Variants in DOCK3 observed in about 807,000 individuals in gnomAD.
The protein encoded by DOCK3 is dedicator of cytokinesis 3, also known as dedicator of cytokinesis protein 3.
DOCK3 carries 60 observed loss-of-function variants against 265.6 expected under a neutral mutation model. The ratio of observed to expected loss-of-function variants is 0.23; its 90% CI spans 0.18 to 0.28. The LOEUF is 0.28. Ranked by LOEUF, DOCK3 falls within the 10% of genes least tolerant of loss-of-function variation. The pLI is 1.00. For missense variants in DOCK3, 1,981 were observed against 2,594.3 expected (o/e 0.76, Z 5.14); for synonymous variants, 881 against 938.0 (o/e 0.94, Z 1.11).
At chr3:51,194,124 A>ATT (rs199754699) in intron 12 of DOCK3, among the ~76,000 whole-genome samples, 2 of 150,564 alleles carry the variant, frequency 1.3e-5, no homozygotes, top group Non-Finnish European at 3.0e-5. Flanking sequence ...TTATTTTGAG[A>ATT]TTTTTTTTTA....
At chr3:51,209,093 G>T (rs957658219) in intron 13 of DOCK3, among the ~76,000 whole-genome samples, 4 of 152,144 alleles carry the variant, frequency 2.6e-5, no homozygotes, top group Admixed American at 1.3e-4. Context: ...GTGTTGATAG[G>T]TAACTCGAGT....
intron 2 of DOCK3, among the ~76,000 whole-genome samples, chr3:50,786,394 C>T (rs371752505): frequency 1.3e-5 from 2 of 152,114 alleles, no homozygotes; most frequent in Admixed American, 6.5e-5. Flanking sequence ...AGCTCAAGGT[C>T]GTCTTCTTGT....
intron 12 of DOCK3, among the ~76,000 whole-genome samples, chr3:51,205,941 G>T (rs895645382): frequency 6.6e-6 from 1 of 152,174 alleles, no homozygotes; most frequent in South Asian, 2.1e-4. Context: ...CATGACATTT[G>T]ATTTCAAACA....
rs1220776081 is a variant in DOCK3, at chr3:51,221,660, G to A, written c.1253-3989G>A. On this transcript the variant is annotated intron_variant, in intron 14 of 52. Coordinates refer to ENST00000266037, the MANE Select transcript of DOCK3 (RefSeq NM_004947.5). ...CCTCTTATAAAAAAAAACTCAAATC[G>A]TTCCACTTCATTCAAGAAATTCTGT... Among the ~76,000 whole-genome samples the A allele has an allele frequency of 3.3e-5, 5 of 152,062 alleles. 1 individual carries two copies. The highest frequency in any genetic ancestry group is 1.2e-4 in the African/African-American group (5 of 41,390).
At chr3:50,805,633 C>G (rs2043364049) in intron 2 of DOCK3, among the ~76,000 whole-genome samples, 1 of 152,170 alleles carries the variant, frequency 6.6e-6, no homozygotes, top group African/African-American at 2.4e-5. Flanking sequence ...CTTGACTGAC[C>G]TGTGGGCTTG....
At chr3:50,862,460 A>G (rs2046962785) in intron 3 of DOCK3, among the ~76,000 whole-genome samples, 1 of 152,156 alleles carries the variant, frequency 6.6e-6, no homozygotes, top group Admixed American at 6.6e-5. Flanking sequence ...GGTAAGTGGA[A>G]GCACCTGCCT....
chr3:51,104,895 C>T (rs1035063424), intron 9 of DOCK3, among the ~76,000 whole-genome samples: 3 of 152,116 alleles, frequency 2.0e-5, no homozygotes, highest in Non-Finnish European at 4.4e-5. Context: ...CTCAAGTAAT[C>T]CTCCAACCCC....
At chr3:50,768,593 G>A (rs2041063031) in intron 1 of DOCK3, among the ~76,000 whole-genome samples, 2 of 152,162 alleles carry the variant, frequency 1.3e-5, no homozygotes, top group Non-Finnish European at 2.9e-5. Context: ...CTCAATAGAT[G>A]CAGAAAAGAC....
chr3:51,315,211 A>C, intron 32 of DOCK3, 83 bp downstream of exon 32: 1 of 1,446,598 alleles, frequency 6.9e-7, no homozygotes, highest in Non-Finnish European at 9.2e-7. Context: ...CCAAGCCATG[A>C]TTCTAGTGGG....
At chr3:51,041,073 T>G (rs976344920) in intron 5 of DOCK3, among the ~76,000 whole-genome samples, 4 of 148,826 alleles carry the variant, frequency 2.7e-5, no homozygotes, top group African/African-American at 7.4e-5. Flanking sequence ...GCCTCTAGAA[T>G]AGTGAATCCT....
chr3:51,088,568 T>A (rs1047180199), intron 7 of DOCK3, among the ~76,000 whole-genome samples: 9 of 152,204 alleles, frequency 5.9e-5, no homozygotes, highest in African/African-American at 1.7e-4. Flanking sequence ...TAAACATTTT[T>A]AAAAAATTGA....
At chr3:50,961,919 G>A (rs982708304) in intron 5 of DOCK3, among the ~76,000 whole-genome samples, 2 of 152,046 alleles carry the variant, frequency 1.3e-5, no homozygotes, top group African/African-American at 4.8e-5. Flanking sequence ...TTCTTATGGG[G>A]AAAAATTCAT....
Position 51,152,844 on chromosome 3 carries a change from A to G in DOCK3, c.828+6214A>G, listed in dbSNP as rs572963150. 1.3e-4 allele frequency among the ~76,000 whole-genome samples: 20 copies of G among 152,206 alleles called. 1 individual carries two copies. In the East Asian group the frequency reaches 3.3e-3, roughly 25 times the overall value. On this transcript the variant is annotated intron_variant, in intron 10 of 52. Transcript: ENST00000266037. ...CAGCGGAGGCTGCAAAACAGCAAAT[A>G]TTGCTGCCTGATCCTTCCTCTGGAG...
chr3:51,247,569 C>T lies in DOCK3; in HGVS notation c.2184+762C>T, dbSNP rs577332864. On this transcript the variant is annotated intron_variant, in intron 22 of 52. Transcript: ENST00000266037. ...GGACCTGTGTTTTTGTCCTTTTCCA[C>T]ATGTTTAACAGGTAACAGAATGTTT... is the stretch of plus-strand genomic sequence containing the variant. 2.6e-4 allele frequency among the ~76,000 whole-genome samples: 39 copies of T among 152,336 alleles called. 1 individual carries two copies. The South Asian group carries it at 4.1e-3, about 16-fold the overall frequency.
intron 9 of DOCK3, among the ~76,000 whole-genome samples, chr3:51,137,447 T>A (rs1443147605): frequency 6.6e-6 from 1 of 152,192 alleles, no homozygotes; most frequent in Non-Finnish European, 1.5e-5. Context: ...AAACAGAGTC[T>A]TTAGGATGTA....
chr3:50,719,654 A>G, intron 1 of DOCK3: 20 of 1,570,628 alleles, frequency 1.3e-5, no homozygotes, highest in Non-Finnish European at 5.2e-6. Flanking sequence ...ACTGGGAACC[A>G]TTTGTGTTGG....
In DOCK3 at chr3:51,356,115, A is replaced by G; in HGVS notation, c.4276A>G (p.Ile1426Val). Reference sequence around the variant, plus strand: ...CTTGCAGATCTATGCAGTGACGCCCATTCCAGATTATGTGGATGTTCTGCA... The same window carrying G: ...CTTGCAGATCTATGCAGTGACGCCCGTTCCAGATTATGTGGATGTTCTGCA... Reference protein sequence around the residue: ...QYLQIYAVTPIPDYVDVLQMD... With the variant: ...QYLQIYAVTPVPDYVDVLQMD... The change falls in exon 42 of 53, where the codon ATT becomes GTT. Residue 1426 changes from isoleucine (I) to valine (V), a missense_variant. By Grantham distance (29) the Ile-to-Val change is conservative (BLOSUM62 3). Coordinates refer to ENST00000266037, the MANE Select transcript of DOCK3 (RefSeq NM_004947.5). 6.2e-7 allele frequency: 1 copy of G among 1,613,978 alleles called. No homozygotes were observed. Among genetic ancestry groups the G allele is most frequent in the Non-Finnish European group, 8.5e-7 (1 of 1,179,872 alleles).
At chr3:50,965,208 T>C (rs2108420155) in intron 5 of DOCK3, among the ~76,000 whole-genome samples, 1 of 152,202 alleles carries the variant, frequency 6.6e-6, no homozygotes, top group African/African-American at 2.4e-5. Flanking sequence ...TACATACATC[T>C]GAATAATTCA....
At chr3:51,001,797 A>G (rs950236910) in intron 5 of DOCK3, among the ~76,000 whole-genome samples, 2 of 152,202 alleles carry the variant, frequency 1.3e-5, no homozygotes, top group South Asian at 4.1e-4. Flanking sequence ...CTTCATTCTC[A>G]AAGTACTCAT....
Sources: gnomAD v4.1 joint callset for allele counts (sites outside exome capture counted in the v4.1 genomes callset) on GRCh38, gnomAD v4.1.1 for gene constraint, MANE v1.5 for transcripts, NCBI Gene and HGNC (gene_info 2026-07-23, HGNC 2026-07-21) for gene names.